Variants in IFITM10 observed in about 807,000 individuals in gnomAD.
IFITM10 encodes the protein interferon induced transmembrane protein 10, also known as interferon-induced transmembrane protein 10.
A neutral mutation model predicts 19.0 loss-of-function variants in IFITM10; 17 were observed. The observed-to-expected ratio is 0.90, with a 90% CI of 0.61 to 1.34. IFITM10 has a LOEUF of 1.34. IFITM10 is among the 40% of genes most tolerant of loss of function. The probability of loss-of-function intolerance (pLI) is 0.00; values close to 1 mark genes in which losing one functional copy is unlikely to be tolerated. For synonymous variants in IFITM10, 148 were observed against 147.2 expected, an observed-to-expected ratio of 1.01 and a Z score of -0.04; for missense variants, 306 against 319.8, an observed-to-expected ratio of 0.96 and a Z score of 0.33.
chr11:1,740,634 T>C (rs1326410478), intron 2 of IFITM10, among the ~76,000 whole-genome samples: 2 of 152,202 alleles, frequency 1.3e-5, no homozygotes, highest in African/African-American at 4.8e-5. Flanking sequence ...TTTAGATATA[T>C]AGCAGATATT....
At chr11:1,736,906 G>T (rs773270548) in intron 2 of IFITM10, among the ~76,000 whole-genome samples, 13 of 152,064 alleles carry the variant, frequency 8.5e-5, no homozygotes, top group Non-Finnish European at 1.6e-4. Flanking sequence ...AAGGGCAAAT[G>T]GGCAAGTAGG....
chr11:1,735,108 C>A lies in IFITM10; in HGVS notation c.*172G>T, dbSNP rs1017977774. ...GTGGACTGAGGGCCAAGCTCACTGCCCCCTTGCTGTACTCAGCTTCTGATG... is the reference window on the plus strand; with the variant it reads ...GTGGACTGAGGGCCAAGCTCACTGCACCCTTGCTGTACTCAGCTTCTGATG... On this transcript the variant is annotated 3_prime_UTR_variant, in exon 3 of 3. Coordinates refer to ENST00000340134, the MANE Select transcript of IFITM10 (RefSeq NM_001170820.4). 1 of 639,368 alleles carries A rather than the reference C, an allele frequency of 1.6e-6. No individual in the cohort carries two copies. The highest frequency in any genetic ancestry group is 1.8e-5 in the African/African-American group (1 of 54,406). 39.6% of individuals were successfully genotyped at this position (639,368 alleles called of 1,614,324 possible). A position where few individuals can be genotyped will look rare whatever the true frequency, so the allele number is the denominator to read the frequency against.
chr11:1,735,380 G>T lies in IFITM10; in HGVS notation c.587C>A (p.Ala196Glu). ...GATGTTGAACAGCCGGGCCGTCTTT[G>T]CATCCTCCACGGCTCCATTCAGGTC... ...LNDLNGAVED[A>E]KTARLFNITS... Residue 196 changes from alanine (A) to glutamate (E), a missense_variant, in exon 3 of 3, where the codon GCA (alanine) becomes GAA (glutamate). By Grantham distance (107) the Ala-to-Glu change is moderately radical (BLOSUM62 -1). Transcript: ENST00000340134. 1 of 1,551,734 alleles carries T rather than the reference G, an allele frequency of 6.4e-7. No homozygotes were observed. The highest frequency in any genetic ancestry group is 8.7e-7 in the Non-Finnish European group (1 of 1,146,966).
rs1375020852 is a variant in IFITM10 at position 1,750,414 on chromosome 11, C to T, written c.29G>A (p.Cys10Tyr). The T allele has an allele frequency of 1.9e-6, 3 of 1,550,344 alleles. No homozygotes were observed. Among genetic ancestry groups the T allele is most frequent in the African/African-American group, 1.4e-5 (1 of 72,980 alleles). MREGKRGPP[C>Y]ILSFRGTLER... ...CAAAGTCCCCCGGAAGCTGAGGATG[C>T]ATGGCGGCCCCCGTTTTCCCTCCCT... is the stretch of plus-strand genomic sequence containing the variant. Residue 10 changes from cysteine (C) to tyrosine (Y), a missense_variant, in exon 1 of 3, where the codon TGC becomes TAC. Physicochemically the swap from Cys to Tyr is radical, Grantham distance 194. Coordinates refer to ENST00000340134, the MANE Select transcript of IFITM10 (RefSeq NM_001170820.4).
rs1375281759 is a variant in IFITM10 at position 1,750,459 on chromosome 11, T to A, written c.-17A>T. 5 of 1,550,058 alleles carry A rather than the reference T, an allele frequency of 3.2e-6. No individual in the cohort carries two copies. Among genetic ancestry groups the A allele is most frequent in the African/African-American group, 2.7e-5 (2 of 72,904 alleles). On this transcript the variant is annotated 5_prime_UTR_variant, in exon 1 of 3. An upstream start codon of the reference 5' UTR is lost. Coordinates refer to ENST00000340134, the MANE Select transcript of IFITM10 (RefSeq NM_001170820.4). The stretch of plus-strand genomic sequence containing the variant: ...CTCCCTCATCTCTCTCCAAGCCCCA[T>A]CCTCCCATGAAACTCCTTTCTCCTC...
intron 2 of IFITM10, among the ~76,000 whole-genome samples, chr11:1,743,924 C>T (rs1406172011): frequency 3.3e-5 from 5 of 152,200 alleles, no homozygotes; most frequent in Non-Finnish European, 5.9e-5. Flanking sequence ...TTTTCAAACC[C>T]GTTCACCGCA....
Position 1,748,100 on chromosome 11 carries a change from C to T in IFITM10, c.104G>A (p.Cys35Tyr). The T allele has an allele frequency of 6.4e-6, 9 of 1,401,280 alleles. No individual in the cohort carries two copies. The highest frequency in any genetic ancestry group is 8.3e-6 in the Non-Finnish European group (9 of 1,085,474). The allele number at this position is 1,401,280 out of a possible 1,614,324, so 86.8% of individuals were successfully genotyped here. The part of the protein sequence containing the change: ...WELEAQGPGQ[C>Y]PAPLGDPAST... ...GGCCGGGTCTCCCAGCGGGGCTGGG[C>T]ACTGGCCGGGGCCCTGGGCCTGGAG... Residue 35 changes from cysteine (C) to tyrosine (Y), a missense_variant, in exon 2 of 3, where the codon TGC becomes TAC. Transcript: ENST00000340134.
At position 1,735,371 on chromosome 11, in the gene IFITM10, G is replaced by A. The variant is rs1181302236; in HGVS notation, c.596C>T (p.Ala199Val). ...LNGAVEDAKT[A>V]RLFNITSSAL... ...AGAACTGGTGATGTTGAACAGCCGGGCCGTCTTTGCATCCTCCACGGCTCC... is the reference window on the plus strand; with the variant it reads ...AGAACTGGTGATGTTGAACAGCCGGACCGTCTTTGCATCCTCCACGGCTCC... The change falls in exon 3 of 3, where the codon GCC (alanine) becomes GTC (valine). Residue 199 changes from alanine (A) to valine (V), a missense_variant. Ala to Val is a moderately conservative substitution (Grantham distance 64). Transcript: ENST00000340134. 1.3e-6 allele frequency: 2 copies of A among 1,551,596 alleles called. No individual in the cohort carries two copies. The highest frequency in any genetic ancestry group is 2.7e-5 in the African/African-American group (2 of 73,036).
At chr11:1,742,815 G>A (rs1268628192) in intron 2 of IFITM10, among the ~76,000 whole-genome samples, 1 of 152,138 alleles carries the variant, frequency 6.6e-6, no homozygotes, top group African/African-American at 2.4e-5. Context: ...TATTTGGAGG[G>A]GTTGAAGGAA....
Position 1,732,978 on chromosome 11 carries a change from C to T in IFITM10, c.*2302G>A, listed in dbSNP as rs1191730634. The T allele has an allele frequency of 6.6e-6, 1 of 152,232 alleles. No homozygotes were observed. The highest frequency in any genetic ancestry group is 1.5e-5 in the Non-Finnish European group (1 of 68,084). The allele number at this position is 152,232 out of a possible 1,614,324, so 9.4% of individuals were successfully genotyped here. A position where few individuals can be genotyped will look rare whatever the true frequency, so the allele number is the denominator to read the frequency against. On this transcript the variant is annotated 3_prime_UTR_variant, in exon 3 of 3. Coordinates refer to ENST00000340134, the MANE Select transcript of IFITM10 (RefSeq NM_001170820.4). The stretch of plus-strand genomic sequence containing the variant: ...TTTGCCCCTCTACTTTCTTCCCTCC[C>T]AGGCATAACATGGAAGACACCTGGA...
chr11:1,743,057 TG>T (rs535271439), intron 2 of IFITM10, among the ~76,000 whole-genome samples: 201 of 135,032 alleles, frequency 1.5e-3, no homozygotes, highest in Middle Eastern at 0.011. Flanking sequence ...GAAGGATGGA[TG>T]GAGGGCGGAT....
At chr11:1,749,203 G>A in intron 1 of IFITM10, 1 of 599,310 alleles carries the variant, frequency 1.7e-6, no homozygotes, top group Non-Finnish European at 2.1e-6. Context: ...CCTCCGCAGC[G>A]CCAGACCGGC....
chr11:1,749,180 G>C, intron 1 of IFITM10: 3 of 787,488 alleles, frequency 3.8e-6, no homozygotes, highest in Non-Finnish European at 4.6e-6. Context: ...TGCCTCCCCC[G>C]CCGCCTGCGC....
intron 2 of IFITM10, chr11:1,746,593 A>C: frequency 2.5e-6 from 1 of 398,656 alleles, no homozygotes; most frequent in South Asian, 1.3e-4. Context: ...AGTCAGGAGC[A>C]GGAGGGGAAC....
intron 2 of IFITM10, among the ~76,000 whole-genome samples, chr11:1,739,278 G>T (rs1851120228): frequency 6.6e-6 from 1 of 152,126 alleles, no homozygotes; most frequent in South Asian, 2.1e-4. Flanking sequence ...GGAACAGGTA[G>T]ATCAATGAAT....
At chr11:1,743,060 AGGGC>A (rs1554961306) in intron 2 of IFITM10, among the ~76,000 whole-genome samples, 1 of 148,194 alleles carries the variant, frequency 6.7e-6, no homozygotes, top group African/African-American at 2.5e-5. Context: ...GGATGGATGG[AGGGC>A]GGATGGATGG....
chr11:1,746,277 T>A, intron 2 of IFITM10: 1 of 290,518 alleles, frequency 3.4e-6, no homozygotes, highest in Non-Finnish European at 6.2e-6. Flanking sequence ...ATTACACACA[T>A]GCACACATAT....
chr11:1,742,994 G>A (rs1385910128), intron 2 of IFITM10, among the ~76,000 whole-genome samples: 1 of 144,202 alleles, frequency 6.9e-6, no homozygotes, highest in Non-Finnish European at 1.5e-5. Context: ...TGGACATATG[G>A]ATGGATGAAA....
chr11:1,737,730 C>T (rs1851101762), intron 2 of IFITM10, among the ~76,000 whole-genome samples: 1 of 152,196 alleles, frequency 6.6e-6, no homozygotes, highest in South Asian at 2.1e-4. Context: ...GGATAATGCT[C>T]ATCTTATCAT....
Sources: gnomAD v4.1 joint callset for allele counts (sites outside exome capture counted in the v4.1 genomes callset) on GRCh38, gnomAD v4.1.1 for gene constraint, MANE v1.5 for transcripts, NCBI Gene and HGNC (gene_info 2026-07-23, HGNC 2026-07-21) for gene names.